Variants in CTNNA2 observed in about 807,000 individuals in gnomAD.
CTNNA2 encodes the protein catenin alpha-2.
A neutral mutation model predicts 101.0 loss-of-function variants in CTNNA2; 42 were observed. That is an observed-to-expected ratio of 0.42 (90% CI 0.32 to 0.54). CTNNA2 has a LOEUF of 0.54. Ranked by LOEUF, CTNNA2 falls within the 20% of genes least tolerant of loss-of-function variation. The pLI is 0.14. For missense variants in CTNNA2, 871 were observed against 1,223.1 expected, an observed-to-expected ratio of 0.71 and a Z score of 4.29; for synonymous variants, 450 against 456.4, an observed-to-expected ratio of 0.99 and a Z score of 0.18.
intron 2 of CTNNA2, among the ~76,000 whole-genome samples, chr2:79,212,863 G>A (rs1674194302): frequency 6.6e-6 from 1 of 152,126 alleles, no homozygotes; most frequent in Non-Finnish European, 1.5e-5. Flanking sequence ...GAAAGGGAGT[G>A]GGCCTGAATA....
intron 7 of CTNNA2, among the ~76,000 whole-genome samples, chr2:80,166,418 A>G (rs184677764): frequency 6.6e-6 from 1 of 152,180 alleles, no homozygotes; most frequent in East Asian, 1.9e-4. Flanking sequence ...ATTAAAACCT[A>G]AGGGATGGGG....
At chr2:80,449,013 C>G (rs2149452939) in intron 9 of CTNNA2, among the ~76,000 whole-genome samples, 1 of 152,240 alleles carries the variant, frequency 6.6e-6, no homozygotes, top group South Asian at 2.1e-4. Flanking sequence ...AAGGCATAGT[C>G]CTATGTATCC....
At chr2:79,318,568 T>C (rs564432953) in intron 3 of CTNNA2, among the ~76,000 whole-genome samples, 5 of 152,302 alleles carry the variant, frequency 3.3e-5, no homozygotes, top group African/African-American at 1.2e-4. Flanking sequence ...ATCATTAAGG[T>C]GCTCACTATT....
rs1693887345 is a variant in CTNNA2 at position 80,012,919 on chromosome 2, C to T, written c.1056+103122C>T. Among the ~76,000 whole-genome samples, 3 of 152,138 alleles carry T rather than the reference C, an allele frequency of 2.0e-5. No individual in the cohort carries two copies. The South Asian group carries it at 6.2e-4, about 31-fold the overall frequency. On this transcript the variant is annotated intron_variant, in intron 7 of 18. Coordinates refer to ENST00000402739, the MANE Select transcript of CTNNA2 (RefSeq NM_001282597.3). ...GTGGCTCACGCCTGTAATCCCAGCACACTTTGTGGGAGGCTGGGAGGATCA... is the reference window on the plus strand; with the variant it reads ...GTGGCTCACGCCTGTAATCCCAGCATACTTTGTGGGAGGCTGGGAGGATCA...
chr2:79,857,805 T>C (rs1351809022), intron 3 of CTNNA2, among the ~76,000 whole-genome samples: 1 of 152,240 alleles, frequency 6.6e-6, no homozygotes, highest in African/African-American at 2.4e-5. Context: ...CAGTGTGAAA[T>C]GAGCACCTTG....
intron 7 of CTNNA2, among the ~76,000 whole-genome samples, chr2:79,962,571 G>A (rs1365326058): frequency 6.6e-6 from 1 of 152,072 alleles, no homozygotes; most frequent in Admixed American, 6.6e-5. Flanking sequence ...TTTTGCTTTA[G>A]GTATTATGTG....
At chr2:79,243,273 C>T (rs897272906) in intron 2 of CTNNA2, among the ~76,000 whole-genome samples, 7 of 152,038 alleles carry the variant, frequency 4.6e-5, no homozygotes, top group Non-Finnish European at 1.5e-5. Flanking sequence ...GTTAAGGGAA[C>T]TATCCCATCA....
chr2:79,771,650 T>C (rs1025243627), intron 3 of CTNNA2, among the ~76,000 whole-genome samples: 4 of 152,078 alleles, frequency 2.6e-5, no homozygotes, highest in Non-Finnish European at 4.4e-5. Flanking sequence ...CCTATGAGAA[T>C]CAAATGCCAC....
intron 4 of CTNNA2, among the ~76,000 whole-genome samples, chr2:79,388,642 T>C (rs910231739): frequency 6.6e-5 from 10 of 152,158 alleles, no homozygotes; most frequent in Non-Finnish European, 1.2e-4. Context: ...CTCCTCCCAC[T>C]CTACATTGCT....
At chr2:79,543,728 A>G (rs1248246887) in intron 1 of CTNNA2, among the ~76,000 whole-genome samples, 4 of 152,212 alleles carry the variant, frequency 2.6e-5, no homozygotes, top group African/African-American at 9.6e-5. Flanking sequence ...GTGCAGAACT[A>G]CCTGGAAATA....
intron 7 of CTNNA2, among the ~76,000 whole-genome samples, chr2:80,167,437 C>A (rs908058851): frequency 2.6e-5 from 4 of 152,080 alleles, no homozygotes; most frequent in African/African-American, 9.7e-5. Context: ...CAGGGCAATG[C>A]AGTAATGATA....
intron 7 of CTNNA2, among the ~76,000 whole-genome samples, chr2:80,190,129 A>AG (rs1418885621): frequency 6.6e-6 from 1 of 152,036 alleles, no homozygotes; most frequent in African/African-American, 2.4e-5. Context: ...CATGATTAAT[A>AG]GGGGTTAATG....
At chr2:79,671,119 C>A (rs1682806760) in intron 2 of CTNNA2, among the ~76,000 whole-genome samples, 1 of 152,198 alleles carries the variant, frequency 6.6e-6, no homozygotes, top group Non-Finnish European at 1.5e-5. Context: ...ATTGGCACTT[C>A]GAGAGAAGCA....
At chr2:79,506,737 A>G (rs1465211612) in intron 5 of CTNNA2, among the ~76,000 whole-genome samples, 1 of 152,212 alleles carries the variant, frequency 6.6e-6, no homozygotes, top group Non-Finnish European at 1.5e-5. Context: ...GGTAGAGGAA[A>G]TACCTCTGTA....
intron 2 of CTNNA2, among the ~76,000 whole-genome samples, chr2:79,307,692 A>C (rs1179300577): frequency 6.6e-6 from 1 of 152,164 alleles, no homozygotes; most frequent in African/African-American, 2.4e-5. Context: ...GGGGTACAGA[A>C]GTCTCTTCAA....
intron 3 of CTNNA2, among the ~76,000 whole-genome samples, chr2:79,353,923 C>A (rs1031457823): frequency 6.6e-6 from 1 of 151,984 alleles, no homozygotes; most frequent in East Asian, 1.9e-4. Flanking sequence ...TTCTTCTTCA[C>A]TTATTATGCT....
intron 7 of CTNNA2, among the ~76,000 whole-genome samples, chr2:80,340,541 G>T (rs1458648217): frequency 6.6e-6 from 1 of 152,110 alleles, no homozygotes; most frequent in Non-Finnish European, 1.5e-5. Context: ...TCTCATGAAA[G>T]AGAAACAACA....
intron 7 of CTNNA2, among the ~76,000 whole-genome samples, chr2:79,949,593 C>G (rs1241077697): frequency 1.4e-5 from 2 of 145,816 alleles, no homozygotes; most frequent in African/African-American, 5.0e-5. Context: ...CATAGCTAGA[C>G]CTTGCCTCTA....
At chr2:79,313,447 G>C (rs556123345) in intron 3 of CTNNA2, among the ~76,000 whole-genome samples, 9 of 152,244 alleles carry the variant, frequency 5.9e-5, no homozygotes, top group African/African-American at 2.2e-4. Context: ...AATAATACTG[G>C]TATAGTTACT....
Sources: allele counts gnomAD v4.1 joint callset (sites outside exome capture counted in the v4.1 genomes callset), GRCh38; gene constraint gnomAD v4.1.1; transcripts MANE v1.5; gene names NCBI Gene and HGNC (gene_info 2026-07-23, HGNC 2026-07-21).